COL4A3: variants seen among roughly 807,000 people sequenced by gnomAD.
COL4A3 encodes collagen alpha-3(IV) chain.
In COL4A3, 135 loss-of-function variants were observed where a neutral mutation model predicts 217.4. The observed-to-expected ratio is 0.62, with a 90% CI of 0.54 to 0.72. COL4A3 has a LOEUF of 0.72. COL4A3 is among the 30% of genes least tolerant of loss of function. The pLI is 0.00. For missense variants in COL4A3, 1,868 were observed against 2,119.9 expected, an observed-to-expected ratio of 0.88 and a Z score of 2.33; for synonymous variants, 690 against 736.3, an observed-to-expected ratio of 0.94 and a Z score of 1.02.
intron 1 of COL4A3, among the ~76,000 whole-genome samples, chr2:227,185,266 A>G (rs2065993784): frequency 6.6e-6 from 1 of 152,168 alleles, no homozygotes; most frequent in Admixed American, 6.5e-5. Context: ...GCCAAATTGT[A>G]AAAAGCAGAA....
intron 31 of COL4A3, chr2:227,281,786 A>C (rs2106158369): frequency 6.6e-6 from 1 of 152,512 alleles, no homozygotes; most frequent in South Asian, 2.1e-4. Context: ...ATGTGTCTGC[A>C]GGACTAGAAA....
chr2:227,183,904 A>G (rs2065934072), intron 1 of COL4A3, among the ~76,000 whole-genome samples: 1 of 152,138 alleles, frequency 6.6e-6, no homozygotes, highest in South Asian at 2.1e-4. Flanking sequence ...CGCCTTGCAA[A>G]AACTCTCCAT....
intron 41 of COL4A3, among the ~76,000 whole-genome samples, chr2:227,296,680 A>C (rs1373596501): frequency 6.6e-6 from 1 of 152,240 alleles, no homozygotes; most frequent in Non-Finnish European, 1.5e-5. Flanking sequence ...CAAAGCTTGG[A>C]GTGAACTGAA....
chr2:227,186,846 G>A lies in COL4A3; in HGVS notation c.87+22033G>A, dbSNP rs561475964. On this transcript the variant is annotated intron_variant, in intron 1 of 51. Coordinates refer to ENST00000396578, the MANE Select transcript of COL4A3 (RefSeq NM_000091.5). ...ACATTTATTTCTCACAATTCTGGAG[G>A]CTGGGAATTGCAATATCAAGGCACT... is the stretch of plus-strand genomic sequence containing the variant. Among the ~76,000 whole-genome samples, 40 of 152,280 alleles carry A rather than the reference G, an allele frequency of 2.6e-4. 1 individual carries two copies. The highest frequency in any genetic ancestry group is 5.0e-4 in the Non-Finnish European group (34 of 68,026).
intron 37 of COL4A3, among the ~76,000 whole-genome samples, chr2:227,291,575 A>G (rs2072729967): frequency 2.4e-5 from 1 of 42,502 alleles, no homozygotes; most frequent in Non-Finnish European, 4.3e-5. Context: ...AAAAAAAAAA[A>G]AAAACAAAAA....
At chr2:227,304,266 A>G in intron 46 of COL4A3, 122 bp downstream of exon 46, 1 of 1,314,754 alleles carries the variant, frequency 7.6e-7, no homozygotes, top group Non-Finnish European at 1.1e-6. Context: ...AGTGGTTTTC[A>G]CAATCAGTCT....
intron 1 of COL4A3, among the ~76,000 whole-genome samples, chr2:227,222,884 G>C (rs980802210): frequency 5.3e-5 from 8 of 152,194 alleles, no homozygotes; most frequent in African/African-American, 1.9e-4. Flanking sequence ...AGAATACAGA[G>C]AGCCTCCCAC....
intron 16 of COL4A3, 79 bp from the exon 17 acceptor site, chr2:227,256,264 A>C (rs2070165111): frequency 7.7e-7 from 1 of 1,293,360 alleles, no homozygotes; most frequent in Admixed American, 1.7e-5. Context: ...GTTTCAGAGG[A>C]GTTCAAATTG....
At chr2:227,271,089 T>G in intron 25 of COL4A3, 137 bp downstream of exon 25, 1 of 783,460 alleles carries the variant, frequency 1.3e-6, no homozygotes, top group Non-Finnish European at 2.2e-6. Context: ...ATCTTCAAAT[T>G]AGCAGGAATA....
At chr2:227,187,572 A>G (rs1452328551) in intron 1 of COL4A3, among the ~76,000 whole-genome samples, 1 of 152,216 alleles carries the variant, frequency 6.6e-6, no homozygotes, top group Admixed American at 6.5e-5. Flanking sequence ...TTGGATAAAT[A>G]GGAAGTTAGT....
rs577048793 is a variant in COL4A3 at position 227,178,015 on chromosome 2, G to A, written c.87+13202G>A. Among the ~76,000 whole-genome samples the A allele has an allele frequency of 4.6e-5, 7 of 152,288 alleles. No individual in the cohort carries two copies. The South Asian group carries it at 1.5e-3, about 32-fold the overall frequency. Reference sequence around the variant, plus strand: ...AACTTAATAAGGAAAGGAAAAAATTGTATGCTGAGATTGCTGAGATCTACG... The same window carrying A: ...AACTTAATAAGGAAAGGAAAAAATTATATGCTGAGATTGCTGAGATCTACG... On this transcript the variant is annotated intron_variant, in intron 1 of 51. Coordinates refer to ENST00000396578, the MANE Select transcript of COL4A3 (RefSeq NM_000091.5).
At chr2:227,240,969 C>T (rs561416380) in intron 3 of COL4A3, among the ~76,000 whole-genome samples, 92 of 152,094 alleles carry the variant, frequency 6.0e-4, no homozygotes, top group African/African-American at 2.2e-3. Context: ...TTGTGTGGAT[C>T]GCTCTCCTCT....
chr2:227,237,921 T>C (rs1023075361), intron 1 of COL4A3, 47 bp from the exon 2 acceptor site: 2 of 1,403,322 alleles, frequency 1.4e-6, no homozygotes, highest in Admixed American at 3.4e-5. Context: ...GGTTGGGATT[T>C]ATTCAGCTGT....
At chr2:227,183,112 T>A (rs542701561) in intron 1 of COL4A3, among the ~76,000 whole-genome samples, 1 of 152,236 alleles carries the variant, frequency 6.6e-6, no homozygotes, top group South Asian at 2.1e-4. Flanking sequence ...TATGTTGTTA[T>A]AAGCTCTTTT....
Position 227,266,454 on chromosome 2 carries a change from C to T in COL4A3, c.1353C>T (p.His451=), listed in dbSNP as rs189364374. ...IVFRKGPPGD[H]GLPGYLGSPG... ...TTCGCAAGGGTCCACCTGGAGATCACGGACTGCCAGGCTATCTAGGGTCTC... is the reference window on the plus strand; with the variant it reads ...TTCGCAAGGGTCCACCTGGAGATCATGGACTGCCAGGCTATCTAGGGTCTC... The change falls in exon 22 of 52, where the codon CAC becomes CAT. Residue 451 remains histidine (H), a synonymous_variant. Coordinates refer to ENST00000396578, the MANE Select transcript of COL4A3 (RefSeq NM_000091.5). The T allele has an allele frequency of 3.0e-4, 487 of 1,614,018 alleles. 4 individuals carry two copies. The East Asian group carries it at 9.2e-3, about 31-fold the overall frequency.
rs79202137 is a variant in COL4A3 at position 227,264,008 on chromosome 2, G to A, written c.1315+64G>A. 3.6e-3 allele frequency: 5,715 copies of A among 1,587,324 alleles called. 179 individuals carry two copies. The African/African-American group carries it at 0.063, about 18-fold the overall frequency. On this transcript the variant is annotated intron_variant, in intron 21 of 51. Transcript: ENST00000396578. ...CAAATGACAGATGTGTGCAAACCAC[G>A]GGCAACAAACCCTCCTCACAGCTTA... is the stretch of plus-strand genomic sequence containing the variant.
At chr2:227,223,686 A>G (rs1317499573) in intron 1 of COL4A3, among the ~76,000 whole-genome samples, 1 of 152,238 alleles carries the variant, frequency 6.6e-6, no homozygotes, top group African/African-American at 2.4e-5. Context: ...GTGAGCCGAG[A>G]TCATGCCACT....
rs2073579380 is a variant in COL4A3 at position 227,307,936 on chromosome 2, A to G, written c.4462+17A>G. ...AAGACCTTGGTAATGTCCCAGTCCC[A>G]GTTGCCAGTTGTGCTGTTCCACATG... On this transcript the variant is annotated intron_variant, in intron 48 of 51. Transcript: ENST00000396578. 1 of 1,609,032 alleles carries G rather than the reference A, an allele frequency of 6.2e-7. No homozygotes were observed. Among genetic ancestry groups the G allele is most frequent in the Non-Finnish European group, 8.5e-7 (1 of 1,175,806 alleles).
intron 1 of COL4A3, among the ~76,000 whole-genome samples, chr2:227,175,762 G>T (rs1174934909): frequency 3.3e-5 from 5 of 152,148 alleles, no homozygotes; most frequent in Non-Finnish European, 1.5e-5. Context: ...TAATTTTAAT[G>T]TTCATGTTTA....
Sources: allele counts gnomAD v4.1 joint callset (sites outside exome capture counted in the v4.1 genomes callset), GRCh38; gene constraint gnomAD v4.1.1; transcripts MANE v1.5; gene names NCBI Gene and HGNC (gene_info 2026-07-23, HGNC 2026-07-21).